The following MAP3K21 variants were observed in gnomAD, a reference collection of about 807,000 sequenced individuals.
The protein encoded by MAP3K21 is mitogen-activated protein kinase kinase kinase MLK4.
MAP3K21 carries 63 observed loss-of-function variants against 86.1 expected under a neutral mutation model. That is an observed-to-expected ratio of 0.73 (90% CI 0.60 to 0.90). The LOEUF is 0.90. MAP3K21 is among the 40% of genes least tolerant of loss of function. MAP3K21 has a pLI of 0.00. For synonymous variants in MAP3K21, 558 were observed against 564.8 expected (o/e 0.99, Z 0.17); for missense variants, 1,220 against 1,367.7 (o/e 0.89, Z 1.70).
At chr1:233,346,361 TTG>T in intron 1 of MAP3K21, 79 bp from the exon 2 acceptor site, 1 of 1,070,044 alleles carries the variant, frequency 9.3e-7, no homozygotes, top group Non-Finnish European at 1.4e-6. Flanking sequence ...ACAGTGAAGA[TTG>T]TGTTTTACAT....
intron 1 of MAP3K21, among the ~76,000 whole-genome samples, chr1:233,330,303 T>C (rs1298439141): frequency 6.6e-6 from 1 of 152,238 alleles, no homozygotes; most frequent in Non-Finnish European, 1.5e-5. Context: ...TAACAAAATA[T>C]GTTGTTACTG....
chr1:233,375,218 A>G (rs954245212), intron 6 of MAP3K21, among the ~76,000 whole-genome samples: 5 of 152,158 alleles, frequency 3.3e-5, no homozygotes, highest in Non-Finnish European at 5.9e-5. Context: ...CTGGGATTAC[A>G]GGCGTGAGCC....
In MAP3K21 at chr1:233,352,160, T is replaced by A. The variant is rs143454655; in HGVS notation, c.987-1647T>A. Among the ~76,000 whole-genome samples, 917 of 152,330 alleles carry A rather than the reference T, an allele frequency of 6.0e-3. 20 individuals are homozygous for A. The East Asian group carries it at 0.062, about 10-fold the overall frequency. On this transcript the variant is annotated intron_variant, in intron 2 of 9. Transcript: ENST00000366624. The stretch of plus-strand genomic sequence containing the variant: ...CTTCACCTTCCCCAAATGCTAGAAT[T>A]ACAGGCGTGAACTGCCATGCCCAGC...
In MAP3K21 at chr1:233,364,277, CTATT is replaced by C. The variant is rs1415243936; in HGVS notation, c.1552+1992_1552+1995del. 7.2e-5 allele frequency among the ~76,000 whole-genome samples: 11 copies of C among 152,188 alleles called. No homozygotes were observed. In the East Asian group the frequency reaches 1.7e-3, roughly 24 times the overall value. Reference sequence around the variant, plus strand: ...GTGTCAGTCAGCCATAGAGAATAGACTATTTATTTATGATGAGGCTTCTGCCTTC... The same window carrying C: ...GTGTCAGTCAGCCATAGAGAATAGACTATTTATGATGAGGCTTCTGCCTTC... On this transcript the variant is annotated intron_variant, in intron 5 of 9. Coordinates refer to ENST00000366624, the MANE Select transcript of MAP3K21 (RefSeq NM_032435.3).
In MAP3K21 at chr1:233,339,269, TCTTCTTCTTCTTCTTCTTCTTCC is replaced by T. The variant is rs1317231885; in HGVS notation, c.806-7172_806-7150del. Among the ~76,000 whole-genome samples, 77 of 23,294 alleles carry T rather than the reference TCTTCTTCTTCTTCTTCTTCTTCC, an allele frequency of 3.3e-3. 5 individuals carry two copies. Among genetic ancestry groups the T allele is most frequent in the East Asian group, 9.5e-3 (4 of 422 alleles). 15.3% of individuals were successfully genotyped at this position (23,294 alleles called of 152,430 possible). On this transcript the variant is annotated intron_variant, in intron 1 of 9. Transcript: ENST00000366624. ...TTCTTCTTCTTCTTCTTCTTCTTCC[TCTTCTTCTTCTTCTTCTTCTTCC>T]TCTTCTTCTTCCTCTTCTTCTTCCT...
chr1:233,342,651 T>C (rs1268323525), intron 1 of MAP3K21, among the ~76,000 whole-genome samples: 1 of 152,196 alleles, frequency 6.6e-6, no homozygotes, highest in South Asian at 2.1e-4. Context: ...ATAGGGAAGA[T>C]AAAATCATTC....
intron 5 of MAP3K21, among the ~76,000 whole-genome samples, chr1:233,367,856 T>C (rs1215455972): frequency 9.2e-6 from 1 of 109,270 alleles, no homozygotes; most frequent in East Asian, 3.4e-4. Context: ...CAAGACTCCG[T>C]CTCAAAAAAA....
rs1662729346 is a variant in MAP3K21 at position 233,328,121 on chromosome 1, C to G, written c.93C>G (p.Ser31=). The change falls in exon 1 of 10, where the codon TCC becomes TCG. Residue 31 remains serine (S), a synonymous_variant. Coordinates refer to ENST00000366624, the MANE Select transcript of MAP3K21 (RefSeq NM_032435.3). This position sits in a 1 kb window ranked among gnomAD's most constrained non-coding sequence, Gnocchi z 8.7. The part of the protein sequence containing the change: ...PGGSASSSST[S]SGGSASAGAG... ...GCTCAGCGTCCTCGTCGTCCACCTC[C>G]TCGGGCGGCTCGGCCTCGGCGGGCG... 2 of 1,407,852 alleles carry G rather than the reference C, an allele frequency of 1.4e-6. No homozygotes were observed. The highest frequency in any genetic ancestry group is 3.0e-5 in the African/African-American group (2 of 66,592). The allele number at this position is 1,407,852 out of a possible 1,614,324, so 87.2% of individuals were successfully genotyped here.
chr1:233,372,474 A>G (rs1229033796), intron 6 of MAP3K21: 8 of 367,242 alleles, frequency 2.2e-5, no homozygotes, highest in Admixed American at 4.6e-5. Context: ...ACCTAATTCT[A>G]TCATCAGCCA....
intron 1 of MAP3K21, among the ~76,000 whole-genome samples, chr1:233,332,620 C>T (rs1662829615): frequency 6.6e-6 from 1 of 152,078 alleles, no homozygotes; most frequent in Admixed American, 6.5e-5. Context: ...ACCGACTCTG[C>T]CCAGAGTGGT....
At position 233,384,208 on chromosome 1, in the gene MAP3K21, G is replaced by C. The variant is rs1663965737; in HGVS notation, c.*1497G>C. 1 of 152,138 alleles carries C rather than the reference G, an allele frequency of 6.6e-6. No homozygotes were observed. The highest frequency in any genetic ancestry group is 2.4e-5 in the African/African-American group (1 of 41,422). 9.4% of individuals were successfully genotyped at this position (152,138 alleles called of 1,614,324 possible). ...TCAGCAATTTAAAATAAATTCAATT[G>C]TGTGATAAAATATCTCACCTATAAT... On this transcript the variant is annotated 3_prime_UTR_variant, in exon 10 of 10. Coordinates refer to ENST00000366624, the MANE Select transcript of MAP3K21 (RefSeq NM_032435.3).
Position 233,328,853 on chromosome 1 carries a change from G to A in MAP3K21, c.805+20G>A. The A allele has an allele frequency of 6.7e-7, 1 of 1,487,326 alleles. No individual in the cohort carries two copies. The highest frequency in any genetic ancestry group is 9.0e-7 in the Non-Finnish European group (1 of 1,114,530). The allele number at this position is 1,487,326 out of a possible 1,614,324, so 92.1% of individuals were successfully genotyped here. A position where few individuals can be genotyped will look rare whatever the true frequency, so the allele number is the denominator to read the frequency against. On this transcript the variant is annotated intron_variant, in intron 1 of 9. Coordinates refer to ENST00000366624, the MANE Select transcript of MAP3K21 (RefSeq NM_032435.3). The surrounding 1 kb of genome is among the most constrained non-coding windows in gnomAD (Gnocchi z 8.7). ...GCAACAGTAAGTGGGGCCAGAGGGA[G>A]GTGGGGGAAGACTACCTCCGTGCCA...
At chr1:233,360,361 G>A (rs1663443489) in intron 4 of MAP3K21, among the ~76,000 whole-genome samples, 1 of 151,916 alleles carries the variant, frequency 6.6e-6, no homozygotes, top group Admixed American at 6.6e-5. Context: ...ATCTGACACG[G>A]TGTAATGAAG....
rs1663949332 is a variant in MAP3K21 at position 233,383,028 on chromosome 1, C to G, written c.*317C>G. The G allele has an allele frequency of 5.4e-6, 1 of 184,832 alleles. No individual in the cohort carries two copies. The highest frequency in any genetic ancestry group is 2.3e-5 in the African/African-American group (1 of 42,704). The allele number at this position is 184,832 out of a possible 1,614,324, so 11.4% of individuals were successfully genotyped here. A position where few individuals can be genotyped will look rare whatever the true frequency, so the allele number is the denominator to read the frequency against. Reference sequence around the variant, plus strand: ...TTTTTGTTCTCATTTATGCCTTTGTCCATTTGCACACAACAGAAATTGTAA... The same window carrying G: ...TTTTTGTTCTCATTTATGCCTTTGTGCATTTGCACACAACAGAAATTGTAA... On this transcript the variant is annotated 3_prime_UTR_variant, in exon 10 of 10. Coordinates refer to ENST00000366624, the MANE Select transcript of MAP3K21 (RefSeq NM_032435.3).
intron 8 of MAP3K21, among the ~76,000 whole-genome samples, chr1:233,376,858 G>A (rs1209263854): frequency 6.6e-6 from 1 of 152,170 alleles, no homozygotes; most frequent in Admixed American, 6.5e-5. Flanking sequence ...AAGTTCTGCT[G>A]AGATTAAGGG....
chr1:233,330,022 G>A (rs1662781878), intron 1 of MAP3K21, among the ~76,000 whole-genome samples: 1 of 152,228 alleles, frequency 6.6e-6, no homozygotes, highest in Non-Finnish European at 1.5e-5. Flanking sequence ...GATGCAGCCA[G>A]CCCTGGCATT....
chr1:233,354,102 G>C, intron 3 of MAP3K21, 147 bp downstream of exon 3: 1 of 1,004,968 alleles, frequency 1.0e-6, no homozygotes, highest in Non-Finnish European at 1.3e-6. Flanking sequence ...TGGAAACCTA[G>C]TCTTTGATCT....
At chr1:233,353,987 G>A in intron 3 of MAP3K21, 32 bp downstream of exon 3, 3 of 1,420,056 alleles carry the variant, frequency 2.1e-6, no homozygotes, top group Non-Finnish European at 1.9e-6. Context: ...GTCTTTGTGG[G>A]GGCAAGAATT....
At position 233,361,937 on chromosome 1, in the gene MAP3K21, C is replaced by A. The variant is rs945204859; in HGVS notation, c.1312-116C>A. The A allele has an allele frequency of 3.1e-6, 4 of 1,293,114 alleles. No individual in the cohort carries two copies. The African/African-American group carries it at 4.5e-5, about 14-fold the overall frequency. 80.1% of individuals were successfully genotyped at this position (1,293,114 alleles called of 1,614,324 possible). A position where few individuals can be genotyped will look rare whatever the true frequency, so the allele number is the denominator to read the frequency against. Reference sequence around the variant, plus strand: ...TGAGCAGAGGAAGAGGGAATTTCAGCTTCTCCTTGTGCACAGGAGGAGCCC... The same window carrying A: ...TGAGCAGAGGAAGAGGGAATTTCAGATTCTCCTTGTGCACAGGAGGAGCCC... On this transcript the variant is annotated intron_variant, in intron 4 of 9. Coordinates refer to ENST00000366624, the MANE Select transcript of MAP3K21 (RefSeq NM_032435.3).
Sources: gnomAD v4.1 joint callset for allele counts (sites outside exome capture counted in the v4.1 genomes callset) on GRCh38, gnomAD v4.1.1 for gene constraint, Gnocchi (gnomAD v3.1) non-coding constraint, MANE v1.5 for transcripts, NCBI Gene and HGNC (gene_info 2026-07-23, HGNC 2026-07-21) for gene names.